The following LAMP5 variants were observed in gnomAD, a reference collection of about 807,000 sequenced individuals.
The protein encoded by LAMP5 is lysosome associated membrane protein 5, also known as lysosome-associated membrane glycoprotein 5.
Under a neutral mutation model 30.2 loss-of-function variants are expected in LAMP5, and 36 were observed. The observed-to-expected ratio is 1.19, with a 90% CI of 0.91 to 1.57. LAMP5 has a LOEUF of 1.57. Among genes scored for constraint, LAMP5 ranks in the 40% most tolerant of loss-of-function variants. LAMP5 has a pLI of 0.00. For synonymous variants in LAMP5, 149 were observed against 134.6 expected (o/e 1.11, Z -0.74); for missense variants, 377 against 354.9 (o/e 1.06, Z -0.50).
At chr20:9,525,818 A>G (rs970971479) in intron 5 of LAMP5, among the ~76,000 whole-genome samples, 2 of 152,112 alleles carry the variant, frequency 1.3e-5, no homozygotes, top group African/African-American at 4.8e-5. Context: ...GCCACACAGA[A>G]CACCACCTGT....
At position 9,529,970 on chromosome 20, in the gene LAMP5, T is replaced by C. The variant is rs1158922135; in HGVS notation, c.*150T>C. The C allele has an allele frequency of 1.2e-5, 8 of 692,770 alleles. No individual in the cohort carries two copies. The highest frequency in any genetic ancestry group is 1.8e-5 in the African/African-American group (1 of 56,160). 42.9% of individuals were successfully genotyped at this position (692,770 alleles called of 1,614,324 possible). On this transcript the variant is annotated 3_prime_UTR_variant, in exon 6 of 6. Transcript: ENST00000246070. ...CTGAGGCTTGCTTGGCTTGTGTCCA[T>C]GCTTAAACCCACGGAAGGGGGAGAC...
chr20:9,519,716 T>G (rs551815164), intron 5 of LAMP5, among the ~76,000 whole-genome samples: 1 of 152,370 alleles, frequency 6.6e-6, no homozygotes, highest in African/African-American at 2.4e-5. Context: ...GTAATGTCAG[T>G]TCCTAGTCCC....
chr20:9,526,741 T>A (rs6133715), intron 5 of LAMP5, among the ~76,000 whole-genome samples: 56,970 of 151,140 alleles, frequency 0.38, 11,466 homozygotes, highest in East Asian at 0.54. Context: ...TCCTAATAAG[T>A]CCTTAACATT....
chr20:9,520,263 G>A (rs2045070309), intron 5 of LAMP5, among the ~76,000 whole-genome samples: 1 of 152,230 alleles, frequency 6.6e-6, no homozygotes, highest in Non-Finnish European at 1.5e-5. Flanking sequence ...CCTGGGAGGT[G>A]GCAAGCCTCA....
chr20:9,519,121 G>A (rs535231122), intron 5 of LAMP5, among the ~76,000 whole-genome samples: 19 of 152,264 alleles, frequency 1.2e-4, no homozygotes, highest in African/African-American at 3.6e-4. Flanking sequence ...AACAATTCAC[G>A]TTGGGCAATT....
intron 1 of LAMP5, chr20:9,515,117 T>C (rs1251303797): frequency 3.2e-6 from 2 of 619,764 alleles, no homozygotes; most frequent in Admixed American, 5.6e-5. Flanking sequence ...TACACCTCTG[T>C]GGCATATTCC....
rs188885918 is a variant in LAMP5 at position 9,518,874 on chromosome 20, G to A, written c.664+646G>A. ...TCAAGTCTTTCCACCAAGCATCTTC[G>A]TGAGGAGGATATCCTTAAGCTCCAG... is the stretch of plus-strand genomic sequence containing the variant. On this transcript the variant is annotated intron_variant, in intron 5 of 5. Transcript: ENST00000246070. 4.4e-4 allele frequency among the ~76,000 whole-genome samples: 66 copies of A among 150,196 alleles called. 1 individual carries two copies. In the East Asian group the frequency reaches 0.01, roughly 23 times the overall value.
intron 5 of LAMP5, among the ~76,000 whole-genome samples, chr20:9,526,257 T>G (rs2045111562): frequency 6.6e-6 from 1 of 152,248 alleles, no homozygotes; most frequent in Non-Finnish European, 1.5e-5. Context: ...GTATTTCTTC[T>G]TAATATTTTA....
At chr20:9,520,596 TG>T (rs1568944056) in intron 5 of LAMP5, among the ~76,000 whole-genome samples, 205 of 152,076 alleles carry the variant, frequency 1.3e-3, no homozygotes, top group African/African-American at 3.4e-3. Context: ...TGTGTGTGTG[TG>T]TGTGTGTGTT....
Position 9,529,950 on chromosome 20 carries a change from G to C in LAMP5, c.*130G>C, listed in dbSNP as rs2045139790. The stretch of plus-strand genomic sequence containing the variant: ...AATCAAACAGGCCTGGGTATCTGAG[G>C]CTTGCTTGGCTTGTGTCCATGCTTA... On this transcript the variant is annotated 3_prime_UTR_variant, in exon 6 of 6. Coordinates refer to ENST00000246070, the MANE Select transcript of LAMP5 (RefSeq NM_012261.4). 5 of 881,352 alleles carry C rather than the reference G, an allele frequency of 5.7e-6. No homozygotes were observed. The Admixed American group carries it at 1.0e-4, about 18-fold the overall frequency. 54.6% of individuals were successfully genotyped at this position (881,352 alleles called of 1,614,324 possible). A position where few individuals can be genotyped will look rare whatever the true frequency, so the allele number is the denominator to read the frequency against.
At chr20:9,528,319 T>C (rs11905178) in intron 5 of LAMP5, among the ~76,000 whole-genome samples, 4,190 of 137,330 alleles carry the variant, frequency 0.031, 78 homozygotes, top group African/African-American at 0.076. Context: ...TGTGTGTGTG[T>C]GTGCGTGTGT....
At chr20:9,518,012 T>TGCCAGCAGGAGGGGCCC (rs370442630) in intron 4 of LAMP5, 28 bp from the exon 5 acceptor site, 1 of 1,610,014 alleles carries the variant, frequency 6.2e-7, no homozygotes, top group South Asian at 1.1e-5. Context: ...ATGAGGGTTC[T>TGCCAGCAGGAGGGGCCC]AACTATTGCT....
Position 9,514,731 on chromosome 20 carries a change from C to CGCCCCCG in LAMP5, c.-122_-121insGCCCCCG. ...CGCTCACAGAATACGCGCTCCCTCC[C>CGCCCCCG]TCCCCCTTCTCTGTCCCCCGCCTCT... On this transcript the variant is annotated 5_prime_UTR_variant, in exon 1 of 6. Coordinates refer to ENST00000246070, the MANE Select transcript of LAMP5 (RefSeq NM_012261.4). 1 of 823,588 alleles carries CGCCCCCG rather than the reference C, an allele frequency of 1.2e-6. No individual in the cohort carries two copies. 51.0% of individuals were successfully genotyped at this position (823,588 alleles called of 1,614,324 possible).
At chr20:9,517,434 AG>A (rs1370264278) in intron 4 of LAMP5, among the ~76,000 whole-genome samples, 5 of 132,284 alleles carry the variant, frequency 3.8e-5, no homozygotes, top group Admixed American at 3.6e-4. Context: ...CTCCATTATT[AG>A]GGATTTTTTT....
intron 5 of LAMP5, among the ~76,000 whole-genome samples, chr20:9,524,595 T>TAAAAAAAAAAAAAAAAAAAAA (rs748114210): frequency 1.2e-5 from 1 of 82,222 alleles, no homozygotes. Context: ...CAGATCGAAC[T>TAAAAAAAAAAAAAAAAAAAAA]AAAAAAAAAA....
Position 9,515,525 on chromosome 20 carries a change from A to G in LAMP5, c.137A>G (p.Asp46Gly), listed in dbSNP as rs1470156970. 1 of 1,614,136 alleles carries G rather than the reference A, an allele frequency of 6.2e-7. No homozygotes were observed. Among genetic ancestry groups the G allele is most frequent in the Non-Finnish European group, 8.5e-7 (1 of 1,180,016 alleles). The change falls in exon 2 of 6, where the codon GAT becomes GGT. Residue 46 changes from aspartate (D) to glycine (G), a missense_variant. Coordinates refer to ENST00000246070, the MANE Select transcript of LAMP5 (RefSeq NM_012261.4). ...GGCCTTTCCACTAACCCTGAAAAAG[A>G]TATATTTGTGGTGCGGGAAAATGGG... is the stretch of plus-strand genomic sequence containing the variant. ...LSGLSTNPEK[D>G]IFVVRENGTT...
At chr20:9,515,920 G>A (rs2122828177) in intron 2 of LAMP5, 80 bp from the exon 3 acceptor site, 1 of 1,409,452 alleles carries the variant, frequency 7.1e-7, no homozygotes, top group Non-Finnish European at 9.3e-7. Flanking sequence ...GTGCAACCCA[G>A]AGTTTGGACG....
At position 9,529,948 on chromosome 20, in the gene LAMP5, A is replaced by AG; in HGVS notation, c.*130dup. 1 of 939,454 alleles carries AG rather than the reference A, an allele frequency of 1.1e-6. No individual in the cohort carries two copies. The allele number at this position is 939,454 out of a possible 1,614,324, so 58.2% of individuals were successfully genotyped here. On this transcript the variant is annotated 3_prime_UTR_variant, in exon 6 of 6. Coordinates refer to ENST00000246070, the MANE Select transcript of LAMP5 (RefSeq NM_012261.4). ...ACAATCAAACAGGCCTGGGTATCTG[A>AG]GGCTTGCTTGGCTTGTGTCCATGCT... is the stretch of plus-strand genomic sequence containing the variant.
At chr20:9,518,606 A>G (rs1425852084) in intron 5 of LAMP5, among the ~76,000 whole-genome samples, 2 of 152,246 alleles carry the variant, frequency 1.3e-5, no homozygotes, top group African/African-American at 4.8e-5. Context: ...AAAGATTTAA[A>G]AAGTCACTTT....
Sources: gnomAD v4.1 joint callset for allele counts (sites outside exome capture counted in the v4.1 genomes callset) on GRCh38, gnomAD v4.1.1 for gene constraint, MANE v1.5 for transcripts, NCBI Gene and HGNC (gene_info 2026-07-23, HGNC 2026-07-21) for gene names.